ASS1: variants seen among roughly 807,000 people sequenced by gnomAD.
The protein encoded by ASS1 is argininosuccinate synthase 1.
Under a neutral mutation model 60.5 loss-of-function variants are expected in ASS1, and 58 were observed. That is an observed-to-expected ratio of 0.96 (90% CI 0.78 to 1.19). The LOEUF (loss-of-function observed/expected upper bound fraction) is 1.19. Ranked by LOEUF, ASS1 falls within the 50% of genes most tolerant of loss-of-function variation. The pLI is 0.00. For missense variants in ASS1, 454 were observed against 547.3 expected (o/e 0.83, Z 1.70); for synonymous variants, 200 against 206.9 (o/e 0.97, Z 0.29).
At chr9:130,484,162 C>A (rs965392897) in intron 11 of ASS1, among the ~76,000 whole-genome samples, 1 of 152,158 alleles carries the variant, frequency 6.6e-6, no homozygotes, top group Non-Finnish European at 1.5e-5. Flanking sequence ...AGCCCTTGGG[C>A]TCCAGCCAAC....
intron 5 of ASS1, among the ~76,000 whole-genome samples, chr9:130,464,676 G>T (rs1223198330): frequency 6.6e-6 from 1 of 152,138 alleles, no homozygotes; most frequent in African/African-American, 2.4e-5. Context: ...GAATCACCAG[G>T]ATCTCAGGGC....
Position 130,476,720 on chromosome 9 carries a change from G to C in ASS1, c.598-151G>C. 1.3e-6 allele frequency: 1 copy of C among 779,312 alleles called. No individual in the cohort carries two copies. Among genetic ancestry groups the C allele is most frequent in the Non-Finnish European group, 2.3e-6 (1 of 436,786 alleles). 48.3% of individuals were successfully genotyped at this position (779,312 alleles called of 1,614,324 possible). On this transcript the variant is annotated intron_variant, in intron 8 of 14. Transcript: ENST00000352480. The surrounding 1 kb of genome is among the most constrained non-coding windows in gnomAD (Gnocchi z 4.9). The stretch of plus-strand genomic sequence containing the variant: ...CTCTGGCAAGCGAGGCTGGTGCTAG[G>C]CTGAGGGCTGGGGACCGGGGGATCT...
At chr9:130,499,482 A>G (rs778546862) in intron 13 of ASS1, 23 bp from the exon 14 acceptor site, 1 of 1,611,954 alleles carries the variant, frequency 6.2e-7, no homozygotes, top group Non-Finnish European at 8.5e-7. Flanking sequence ...GGCTGAGCTG[A>G]CAAGCTTCTA....
chr9:130,467,076 C>T (rs988418425), intron 6 of ASS1, among the ~76,000 whole-genome samples: 20 of 152,166 alleles, frequency 1.3e-4, no homozygotes, highest in African/African-American at 4.3e-4. Context: ...CACTCTCTCT[C>T]CTGCTCCCTG....
At chr9:130,471,408 T>A in intron 7 of ASS1, 77 bp from the exon 8 acceptor site, 1 of 1,548,468 alleles carries the variant, frequency 6.5e-7, no homozygotes, top group Non-Finnish European at 8.9e-7. Flanking sequence ...ATGGGCACAA[T>A]GGGGTGTGTG....
In ASS1 at chr9:130,494,910, C is replaced by T. The variant is rs749554993; in HGVS notation, c.1014C>T (p.Ile338=). ...SPECEFVRHC[I]AKSQERVEGK... ...AGTGTGAATTTGTCCGCCACTGCATCGCCAAGTCCCAGGAGCGAGTGGAAG... is the reference window on the plus strand; with the variant it reads ...AGTGTGAATTTGTCCGCCACTGCATTGCCAAGTCCCAGGAGCGAGTGGAAG... Residue 338 remains isoleucine, a synonymous_variant, in exon 13 of 15, where the codon ATC becomes ATT. Transcript: ENST00000352480. This position sits in a 1 kb window ranked among gnomAD's most constrained non-coding sequence, Gnocchi z 4.3. 22 of 1,613,406 alleles carry T rather than the reference C, an allele frequency of 1.4e-5. No individual in the cohort carries two copies. The highest frequency in any genetic ancestry group is 1.8e-4 in the Middle Eastern group (1 of 5,706).
intron 11 of ASS1, among the ~76,000 whole-genome samples, chr9:130,486,602 C>G (rs1468719154): frequency 2.0e-5 from 3 of 152,194 alleles, no homozygotes; most frequent in African/African-American, 4.8e-5. Context: ...GGGCTTGGAT[C>G]TCTGCATAAA....
chr9:130,461,196 G>A (rs987656335), intron 4 of ASS1, among the ~76,000 whole-genome samples: 1 of 150,228 alleles, frequency 6.7e-6, no homozygotes, highest in Non-Finnish European at 1.5e-5. Flanking sequence ...AGGTCTGGTG[G>A]AGTGCATGGG....
At chr9:130,499,385 AC>A (rs1366607719) in intron 13 of ASS1, 119 bp from the exon 14 acceptor site, 10 of 1,035,758 alleles carry the variant, frequency 9.7e-6, no homozygotes, top group Non-Finnish European at 1.5e-5. Context: ...GAGGGTTTGG[AC>A]CCACACAGGG....
intron 1 of ASS1, chr9:130,445,248 G>A: frequency 2.5e-5 from 3 of 121,436 alleles, no homozygotes; most frequent in Non-Finnish European, 3.5e-5. Flanking sequence ...CCGGGGGCGC[G>A]AGTCCCCGGG....
rs758481857 is a variant in ASS1 at position 130,471,488 on chromosome 9, C to T, written c.570C>T (p.Tyr190=). 17 of 1,613,998 alleles carry T rather than the reference C, an allele frequency of 1.1e-5. No homozygotes were observed. In the East Asian group the frequency reaches 1.6e-4, roughly 15 times the overall value. Residue 190 remains tyrosine (Y), a synonymous_variant, in exon 8 of 15, where the codon TAC becomes TAT. Transcript: ENST00000352480. ...SMDENLMHIS[Y]EAGILENPKN... is the part of the protein sequence containing the mutation. ...GTCTTTCCTTTCCCCTCCGCAGCTA[C>T]GAGGCTGGAATCCTGGAGAACCCCA...
In ASS1 at chr9:130,470,316, G is replaced by A. The variant is rs572627980; in HGVS notation, c.496-518G>A. 3.3e-5 allele frequency among the ~76,000 whole-genome samples: 5 copies of A among 152,366 alleles called. No individual in the cohort carries two copies. Among genetic ancestry groups the A allele is most frequent in the African/African-American group, 1.2e-4 (5 of 41,584 alleles). On this transcript the variant is annotated intron_variant, in intron 6 of 14. Transcript: ENST00000352480. The surrounding 1 kb of genome is among the most constrained non-coding windows in gnomAD (Gnocchi z 4.3). ...CCTTCTAGGGTCTGCAGAGTGATGT[G>A]TGTGGCTGTTGCGCCAGGCCCAGGG...
In ASS1 at chr9:130,477,771, C is replaced by G. The variant is rs1846057620; in HGVS notation, c.688+810C>G. On this transcript the variant is annotated intron_variant, in intron 9 of 14. Transcript: ENST00000352480. The surrounding 1 kb of genome is among the most constrained non-coding windows in gnomAD (Gnocchi z 4.2). The stretch of plus-strand genomic sequence containing the variant: ...GCTTCCTGGAGGAGGTGGTGCTGGG[C>G]ACAGGGGCACCCAAGGACCAGGCGG... Among the ~76,000 whole-genome samples, 1 of 152,212 alleles carries G rather than the reference C, an allele frequency of 6.6e-6. No homozygotes were observed. The highest frequency in any genetic ancestry group is 2.1e-4 in the South Asian group (1 of 4,834).
chr9:130,501,273 TAGTG>T (rs1185544607), exon 15 of ASS1: 13 of 488,284 alleles, frequency 2.7e-5, 1 homozygote, highest in East Asian at 1.8e-4. Flanking sequence ...CTTTTATTTC[TAGTG>T]AGTGTGTGTG....
chr9:130,465,368 A>C (rs1845711493), intron 5 of ASS1, among the ~76,000 whole-genome samples: 1 of 152,274 alleles, frequency 6.6e-6, no homozygotes, highest in African/African-American at 2.4e-5. Context: ...ACATGATTTT[A>C]ATAACATGTT....
At chr9:130,449,107 G>A (rs1845266667) in intron 1 of ASS1, among the ~76,000 whole-genome samples, 2 of 152,170 alleles carry the variant, frequency 1.3e-5, no homozygotes, top group South Asian at 2.1e-4. Flanking sequence ...GAGGCAGGCA[G>A]ATCGCTTAAG....
chr9:130,450,169 A>G (rs533545223), intron 1 of ASS1: 43 of 690,160 alleles, frequency 6.2e-5, no homozygotes, highest in Non-Finnish European at 7.2e-5. Flanking sequence ...TCCTCTGCTC[A>G]GTGAGGCTGC....
intron 8 of ASS1, among the ~76,000 whole-genome samples, chr9:130,472,163 A>C (rs537936149): frequency 2.6e-5 from 4 of 151,948 alleles, no homozygotes; most frequent in African/African-American, 9.7e-5. Context: ...CCCTGAGGGA[A>C]TGTGTCTTAG....
At position 130,494,741 on chromosome 9, in the gene ASS1, C is replaced by T. The variant is rs1224791783; in HGVS notation, c.971-126C>T. On this transcript the variant is annotated intron_variant, in intron 12 of 14. Coordinates refer to ENST00000352480, the MANE Select transcript of ASS1 (RefSeq NM_054012.4). The surrounding 1 kb of genome is among the most constrained non-coding windows in gnomAD (Gnocchi z 4.3). ...TGGCAAGCGCACATTGTGCCAGTCT[C>T]GCGGGAGGCAGTCATGGTCTGCATG... is the stretch of plus-strand genomic sequence containing the variant. 8.0e-6 allele frequency: 10 copies of T among 1,255,272 alleles called. No homozygotes were observed. Among genetic ancestry groups the T allele is most frequent in the Non-Finnish European group, 1.1e-5 (10 of 874,304 alleles). The allele number at this position is 1,255,272 out of a possible 1,614,324, so 77.8% of individuals were successfully genotyped here.
Sources: allele counts gnomAD v4.1 joint callset (sites outside exome capture counted in the v4.1 genomes callset), GRCh38; gene constraint gnomAD v4.1.1; non-coding constraint Gnocchi (gnomAD v3.1); transcripts MANE v1.5; gene names NCBI Gene and HGNC (gene_info 2026-07-23, HGNC 2026-07-21).